The following MMP26 variants were observed in gnomAD, a reference collection of about 807,000 sequenced individuals.
The protein encoded by MMP26 is matrix metalloproteinase-26.
A neutral mutation model predicts 31.0 loss-of-function variants in MMP26; 33 were observed. The observed-to-expected ratio is 1.06, with a 90% CI of 0.81 to 1.42. The LOEUF (loss-of-function observed/expected upper bound fraction) is 1.42. Ranked by LOEUF, MMP26 falls within the 40% of genes most tolerant of loss-of-function variation. The pLI is 0.00. For missense variants in MMP26, 347 were observed against 316.1 expected, an observed-to-expected ratio of 1.10 and a Z score of -0.74; for synonymous variants, 122 against 114.9, an observed-to-expected ratio of 1.06 and a Z score of -0.40.
chr11:4,823,599 A>G (rs1052745220), intron 2 of MMP26, among the ~76,000 whole-genome samples: 1 of 152,118 alleles, frequency 6.6e-6, no homozygotes, highest in Non-Finnish European at 1.5e-5. Flanking sequence ...GAAATCCCCC[A>G]TGAGGCCATG....
At chr11:4,732,417 C>G (rs983182601) in intron 1 of MMP26, among the ~76,000 whole-genome samples, 1 of 151,614 alleles carries the variant, frequency 6.6e-6, no homozygotes, top group Non-Finnish European at 1.5e-5. Context: ...TGATACAATT[C>G]ACATACATAC....
intron 2 of MMP26, among the ~76,000 whole-genome samples, chr11:4,824,822 A>G (rs1437471384): frequency 6.6e-6 from 1 of 152,092 alleles, no homozygotes; most frequent in Non-Finnish European, 1.5e-5. Flanking sequence ...TTGCACCTCT[A>G]ATCATGGATC....
At chr11:4,924,686 G>A (rs1160144094) in intron 2 of MMP26, among the ~76,000 whole-genome samples, 1 of 152,168 alleles carries the variant, frequency 6.6e-6, no homozygotes, top group Non-Finnish European at 1.5e-5. Flanking sequence ...TTAATAGCAG[G>A]GCAGTTAAGC....
At chr11:4,739,908 C>T (rs1407520533) in intron 1 of MMP26, among the ~76,000 whole-genome samples, 1 of 151,928 alleles carries the variant, frequency 6.6e-6, no homozygotes, top group Admixed American at 6.6e-5. Context: ...TTTTTTTATT[C>T]AATGTAATTG....
chr11:4,906,704 T>C (rs1336039914), intron 2 of MMP26, among the ~76,000 whole-genome samples: 4 of 152,172 alleles, frequency 2.6e-5, no homozygotes, highest in Non-Finnish European at 5.9e-5. Flanking sequence ...TGCTGAAGAC[T>C]GTATGGAAAA....
chr11:4,885,980 C>T (rs1705345323), intron 2 of MMP26, among the ~76,000 whole-genome samples: 2 of 152,006 alleles, frequency 1.3e-5, no homozygotes, highest in Admixed American at 1.3e-4. Flanking sequence ...TGATAGTAGG[C>T]CTATGTCTTA....
chr11:4,768,898 A>G (rs1184057651), intron 2 of MMP26: 1 of 775,212 alleles, frequency 1.3e-6, no homozygotes, highest in Non-Finnish European at 2.0e-6. Flanking sequence ...CCCACATGCA[A>G]TAGGCAGTAA....
chr11:4,895,051 A>G (rs561636602), intron 2 of MMP26, among the ~76,000 whole-genome samples: 2 of 152,316 alleles, frequency 1.3e-5, no homozygotes, highest in Admixed American at 1.3e-4. Context: ...AGCCATATTT[A>G]TAATTAAAAA....
chr11:4,759,225 C>G (rs1246929480), intron 1 of MMP26, among the ~76,000 whole-genome samples: 2 of 151,496 alleles, frequency 1.3e-5, no homozygotes, highest in Non-Finnish European at 2.9e-5. Flanking sequence ...CACAGTCAGC[C>G]AAAGAAATGC....
intron 4 of MMP26, 51 bp from the exon 5 acceptor site, chr11:4,990,547 G>A (rs757380125): frequency 3.9e-6 from 6 of 1,531,290 alleles, no homozygotes; most frequent in South Asian, 3.7e-5. Flanking sequence ...TTTAGAGCTA[G>A]GATAATTCCC....
intron 2 of MMP26, among the ~76,000 whole-genome samples, chr11:4,868,274 A>G (rs1850263891): frequency 1.3e-5 from 2 of 152,146 alleles, no homozygotes; most frequent in African/African-American, 4.8e-5. Flanking sequence ...GTGGAACTCA[A>G]ATTGTCCCTG....
At chr11:4,726,300 C>T (rs1334681742) in intron 1 of MMP26, among the ~76,000 whole-genome samples, 1 of 152,014 alleles carries the variant, frequency 6.6e-6, no homozygotes, top group East Asian at 2.0e-4. Context: ...TCAGGCTCTA[C>T]TAAAAATACA....
At chr11:4,818,580 C>A (rs76633831) in intron 2 of MMP26, among the ~76,000 whole-genome samples, 7 of 151,868 alleles carry the variant, frequency 4.6e-5, no homozygotes, top group Non-Finnish European at 1.0e-4. Flanking sequence ...TTGCTTCTTT[C>A]GATATTTATT....
chr11:4,945,196 T>C (rs1051748022), intron 2 of MMP26: 52 of 152,020 alleles, frequency 3.4e-4, no homozygotes, highest in African/African-American at 1.2e-3. Context: ...AAGATCATAA[T>C]ACAAACTAGG....
At chr11:4,929,416 C>G (rs1047056640) in intron 2 of MMP26, among the ~76,000 whole-genome samples, 2 of 151,738 alleles carry the variant, frequency 1.3e-5, no homozygotes, top group Non-Finnish European at 2.9e-5. Flanking sequence ...ACTGTGGTGG[C>G]CAAATTGATA....
chr11:4,988,679 G>A (rs1009275415), intron 3 of MMP26, among the ~76,000 whole-genome samples: 3 of 151,836 alleles, frequency 2.0e-5, no homozygotes, highest in Admixed American at 1.3e-4. Flanking sequence ...TAAATTAATG[G>A]GACCTTCACA....
chr11:4,817,882 G>T (rs1338212298), intron 2 of MMP26, among the ~76,000 whole-genome samples: 1 of 152,130 alleles, frequency 6.6e-6, no homozygotes, highest in Non-Finnish European at 1.5e-5. Flanking sequence ...CTTGGCTGGA[G>T]AGTGAGTAGA....
chr11:4,769,059 G>C lies in MMP26; in HGVS notation c.-145+1718G>C, dbSNP rs139690464. ...CTGTCGATGATGGGGTTGAGCACAG[G>C]GGGTAAAAGCAGGTATACATTAGCC... On this transcript the variant is annotated intron_variant, in intron 2 of 7. Coordinates refer to ENST00000380390, the MANE Select transcript of MMP26 (RefSeq NM_021801.5). 3.7e-5 allele frequency: 58 copies of C among 1,556,206 alleles called. No individual in the cohort carries two copies. The African/African-American group carries it at 6.0e-4, about 16-fold the overall frequency.
chr11:4,814,075 T>C (rs1282619259), intron 2 of MMP26, among the ~76,000 whole-genome samples: 1 of 152,188 alleles, frequency 6.6e-6, no homozygotes, highest in Non-Finnish European at 1.5e-5. Flanking sequence ...AAATGAAAGT[T>C]TAAACTGTAA....
Sources: gnomAD v4.1 joint callset for allele counts (sites outside exome capture counted in the v4.1 genomes callset) on GRCh38, gnomAD v4.1.1 for gene constraint, MANE v1.5 for transcripts, NCBI Gene and HGNC (gene_info 2026-07-23, HGNC 2026-07-21) for gene names.